The following SGCG variants were observed in gnomAD, a reference collection of about 807,000 sequenced individuals.
SGCG encodes the protein sarcoglycan gamma.
SGCG carries 26 observed loss-of-function variants against 29.3 expected under a neutral mutation model. The observed-to-expected ratio is 0.89, with a 90% CI of 0.65 to 1.23. The LOEUF (loss-of-function observed/expected upper bound fraction) is 1.23. Ranked by LOEUF, SGCG falls within the 50% of genes most tolerant of loss-of-function variation. The pLI is 0.00. For synonymous variants in SGCG, 145 were observed against 129.7 expected (o/e 1.12, Z -0.80); for missense variants, 353 against 356.0 (o/e 0.99, Z 0.07).
intron 6 of SGCG, among the ~76,000 whole-genome samples, chr13:23,303,697 C>T (rs534964805): frequency 6.6e-6 from 1 of 152,328 alleles, no homozygotes; most frequent in East Asian, 1.9e-4. Context: ...GATTTATTTA[C>T]AATGTGCTTG....
chr13:23,319,967 A>C (rs1882973030), intron 6 of SGCG, among the ~76,000 whole-genome samples: 1 of 152,224 alleles, frequency 6.6e-6, no homozygotes, highest in Non-Finnish European at 1.5e-5. Context: ...AGCTGAGGCC[A>C]ACCTCCCTCC....
intron 2 of SGCG, among the ~76,000 whole-genome samples, chr13:23,221,682 G>T (rs1467283841): frequency 1.3e-5 from 2 of 151,880 alleles, no homozygotes. Flanking sequence ...ACCTTTGTAG[G>T]GATCCTATGA....
intron 1 of SGCG, among the ~76,000 whole-genome samples, chr13:23,192,687 C>T (rs1877324529): frequency 6.6e-6 from 1 of 152,128 alleles, no homozygotes; most frequent in South Asian, 2.1e-4. Context: ...TGAGCCATGG[C>T]GCCCGGCTGG....
intron 4 of SGCG, among the ~76,000 whole-genome samples, chr13:23,271,452 C>A (rs9507063): frequency 0.75 from 114,389 of 152,084 alleles, 43,978 homozygotes; most frequent in Middle Eastern, 0.87. Flanking sequence ...TGCTTAAAGA[C>A]AGTTTACAAA....
Position 23,234,519 on chromosome 13 carries a change from T to C in SGCG, c.196-92T>C, listed in dbSNP as rs556503238. 32 of 875,186 alleles carry C rather than the reference T, an allele frequency of 3.7e-5. No homozygotes were observed. The East Asian group carries it at 7.4e-4, about 20-fold the overall frequency. The allele number at this position is 875,186 out of a possible 1,614,324, so 54.2% of individuals were successfully genotyped here. ...TGCAGAAAAGGTGGTAGGCAATATATGGAAATACATGTGTGATTTAAGTCA... is the reference window on the plus strand; with the variant it reads ...TGCAGAAAAGGTGGTAGGCAATATACGGAAATACATGTGTGATTTAAGTCA... On this transcript the variant is annotated intron_variant, in intron 2 of 7. Transcript: ENST00000218867.
chr13:23,204,523 T>C (rs1877900683), intron 2 of SGCG, among the ~76,000 whole-genome samples: 1 of 152,190 alleles, frequency 6.6e-6, no homozygotes, highest in Non-Finnish European at 1.5e-5. Context: ...GCAGAGAACA[T>C]TGCAGGCAGG....
chr13:23,206,706 A>G (rs1232350316), intron 2 of SGCG, among the ~76,000 whole-genome samples: 4 of 152,232 alleles, frequency 2.6e-5, no homozygotes, highest in East Asian at 3.8e-4. Flanking sequence ...TAGGAAAACA[A>G]TGCCATTTTC....
intron 6 of SGCG, among the ~76,000 whole-genome samples, chr13:23,306,025 A>AATT (rs527613380): frequency 8.9e-4 from 135 of 151,598 alleles, no homozygotes; most frequent in African/African-American, 2.4e-3. Flanking sequence ...AATGCACTAC[A>AATT]ATTATTATTA....
chr13:23,279,130 A>G (rs1227936802), intron 4 of SGCG, among the ~76,000 whole-genome samples: 2 of 152,246 alleles, frequency 1.3e-5, no homozygotes, highest in African/African-American at 4.8e-5. Context: ...ATTTGTACAT[A>G]TATTGATATA....
rs545424462 is a variant in SGCG, at chr13:23,208,735, T to C, written c.195+4846T>C. ...GCTGAGTATAAAGATTCTAAAATAT[T>C]CCGTTAGCCATCATAATAGTTAAAT... On this transcript the variant is annotated intron_variant, in intron 2 of 7. Coordinates refer to ENST00000218867, the MANE Select transcript of SGCG (RefSeq NM_000231.3). Among the ~76,000 whole-genome samples, 11 of 152,256 alleles carry C rather than the reference T, an allele frequency of 7.2e-5. No individual in the cohort carries two copies. In the South Asian group the frequency reaches 1.9e-3, roughly 26 times the overall value.
intron 2 of SGCG, among the ~76,000 whole-genome samples, chr13:23,222,861 T>C (rs996480943): frequency 1.3e-5 from 2 of 152,034 alleles, no homozygotes; most frequent in African/African-American, 4.8e-5. Flanking sequence ...TTCTTATACT[T>C]TGAAACTTCC....
At chr13:23,174,558 A>T in the SGCG span, among the ~76,000 whole-genome samples, 1 of 152,186 alleles carries the variant, frequency 6.6e-6, no homozygotes, top group Non-Finnish European at 1.5e-5. Flanking sequence ...GACAACTAAG[A>T]TAGAATGTCA....
At chr13:23,272,234 T>A (rs1355947466) in intron 4 of SGCG, among the ~76,000 whole-genome samples, 4 of 152,174 alleles carry the variant, frequency 2.6e-5, no homozygotes, top group Admixed American at 2.0e-4. Flanking sequence ...TTGTTTCCAA[T>A]CTTAGTGGAA....
intron 1 of SGCG, among the ~76,000 whole-genome samples, chr13:23,182,129 C>T (rs914288271): frequency 1.3e-5 from 2 of 152,218 alleles, no homozygotes; most frequent in Middle Eastern, 3.4e-3. Flanking sequence ...AGTTAAAATG[C>T]GGAAAATGAA....
At chr13:23,191,147 A>G (rs1412508392) in intron 1 of SGCG, among the ~76,000 whole-genome samples, 1 of 152,176 alleles carries the variant, frequency 6.6e-6, no homozygotes, top group East Asian at 1.9e-4. Flanking sequence ...ATCGAAATCA[A>G]TTTGTATATT....
rs116142252 is a variant in SGCG at position 23,231,829 on chromosome 13, G to A, written c.196-2782G>A. On this transcript the variant is annotated intron_variant, in intron 2 of 7. Transcript: ENST00000218867. The stretch of plus-strand genomic sequence containing the variant: ...CCCAGTGCATCACACGTATAAAAGA[G>A]CTCAGAAGGCCAGGCACGGTGGCTC... Among the ~76,000 whole-genome samples the A allele has an allele frequency of 3.3e-3, 495 of 152,202 alleles. 3 individuals carry two copies. The highest frequency in any genetic ancestry group is 0.011 in the African/African-American group (465 of 41,530).
intron 4 of SGCG, among the ~76,000 whole-genome samples, chr13:23,257,391 CT>C (rs749261413): frequency 6.6e-6 from 1 of 152,066 alleles, no homozygotes; most frequent in African/African-American, 2.4e-5. Context: ...GGTATCTCCC[CT>C]AATGCTATCC....
chr13:23,279,719 C>T (rs1399495590), intron 5 of SGCG, among the ~76,000 whole-genome samples: 1 of 151,556 alleles, frequency 6.6e-6, no homozygotes, highest in African/African-American at 2.4e-5. Flanking sequence ...CCCTTCCTTC[C>T]TCCCTTCCTT....
intron 4 of SGCG, among the ~76,000 whole-genome samples, chr13:23,262,033 AT>A (rs1173234535): frequency 6.6e-6 from 1 of 152,082 alleles, no homozygotes; most frequent in Non-Finnish European, 1.5e-5. Context: ...CAAAAGGTCA[AT>A]ACACACCAGA....
Sources: gnomAD v4.1 joint callset for allele counts (sites outside exome capture counted in the v4.1 genomes callset) on GRCh38, gnomAD v4.1.1 for gene constraint, MANE v1.5 for transcripts, NCBI Gene and HGNC (gene_info 2026-07-23, HGNC 2026-07-21) for gene names.